The following SLC4A4 variants were observed in gnomAD, a reference collection of about 807,000 sequenced individuals.
SLC4A4 encodes the protein solute carrier family 4 member 4, also known as electrogenic sodium bicarbonate cotransporter 1.
In SLC4A4, 27 loss-of-function variants were observed where a neutral mutation model predicts 111.5. That is an observed-to-expected ratio of 0.24 (90% CI 0.18 to 0.33). SLC4A4 has a LOEUF of 0.33. Among genes scored for constraint, SLC4A4 ranks in the 10% least tolerant of loss-of-function variants. SLC4A4 has a pLI of 1.00. For missense variants in SLC4A4, 909 were observed against 1,315.5 expected, an observed-to-expected ratio of 0.69 and a Z score of 4.78; for synonymous variants, 443 against 463.4, an observed-to-expected ratio of 0.96 and a Z score of 0.57.
intron 3 of SLC4A4, chr4:71,339,098 A>G: frequency 6.3e-7 from 1 of 1,598,354 alleles, no homozygotes; most frequent in South Asian, 1.1e-5. Flanking sequence ...TGAGGGCTAA[A>G]GGTTCTTTGT....
intron 2 of SLC4A4, among the ~76,000 whole-genome samples, chr4:71,132,982 G>A (rs1323119636): frequency 2.0e-5 from 3 of 152,318 alleles, no homozygotes; most frequent in East Asian, 1.9e-4. Flanking sequence ...CCCCTAACAC[G>A]ATAGGAGTTG....
At chr4:71,353,614 C>G (rs1355214269) in intron 5 of SLC4A4, among the ~76,000 whole-genome samples, 1 of 152,062 alleles carries the variant, frequency 6.6e-6, no homozygotes, top group African/African-American at 2.4e-5. Context: ...TTAAAAAATC[C>G]TTTTGTAGCA....
intron 14 of SLC4A4, among the ~76,000 whole-genome samples, chr4:71,480,911 C>T (rs1217821429): frequency 6.6e-6 from 1 of 151,658 alleles, no homozygotes; most frequent in Non-Finnish European, 1.5e-5. Context: ...TATATTTAAC[C>T]ATCACATAAA....
At chr4:71,413,241 C>T (rs1329241111) in intron 7 of SLC4A4, among the ~76,000 whole-genome samples, 1 of 152,206 alleles carries the variant, frequency 6.6e-6, no homozygotes, top group Non-Finnish European at 1.5e-5. Flanking sequence ...AGCTATACAG[C>T]TGCCTGTTTG....
At chr4:71,417,038 T>C (rs899883241) in intron 7 of SLC4A4, among the ~76,000 whole-genome samples, 1 of 152,160 alleles carries the variant, frequency 6.6e-6, no homozygotes, top group Non-Finnish European at 1.5e-5. Context: ...GGAGCACCGT[T>C]AGTGGAGCTA....
intron 16 of SLC4A4, among the ~76,000 whole-genome samples, chr4:71,501,076 C>T (rs1465567785): frequency 1.3e-5 from 2 of 152,172 alleles, no homozygotes; most frequent in Non-Finnish European, 2.9e-5. Context: ...ACCAATTCTT[C>T]AAATTCATGA....
At chr4:71,360,922 G>A (rs896776415) in intron 6 of SLC4A4, among the ~76,000 whole-genome samples, 3 of 152,090 alleles carry the variant, frequency 2.0e-5, no homozygotes, top group Non-Finnish European at 1.5e-5. Flanking sequence ...GGAATTTATT[G>A]AGCAAAAAGG....
intron 1 of SLC4A4, among the ~76,000 whole-genome samples, chr4:71,076,751 A>G (rs1470558131): frequency 1.3e-5 from 2 of 152,084 alleles, no homozygotes; most frequent in Non-Finnish European, 2.9e-5. Flanking sequence ...AGCACTTTGG[A>G]AGGTTGAAGC....
chr4:71,467,867 G>C (rs1329331894), intron 13 of SLC4A4, among the ~76,000 whole-genome samples: 1 of 145,954 alleles, frequency 6.9e-6, no homozygotes, highest in Non-Finnish European at 1.5e-5. Flanking sequence ...ATGGCCTGCT[G>C]GCACTCCTTG....
intron 3 of SLC4A4, among the ~76,000 whole-genome samples, chr4:71,258,282 C>G (rs1356902419): frequency 1.3e-5 from 2 of 152,164 alleles, no homozygotes; most frequent in African/African-American, 2.4e-5. Flanking sequence ...CCATTCTTGT[C>G]CTGGTTAGTT....
At chr4:71,293,137 G>A (rs1367141050) in intron 3 of SLC4A4, among the ~76,000 whole-genome samples, 3 of 149,042 alleles carry the variant, frequency 2.0e-5, no homozygotes, top group Admixed American at 1.3e-4. Flanking sequence ...CACCGCACCC[G>A]GCCTCAATTT....
At chr4:71,550,667 C>G (rs901482928) in intron 20 of SLC4A4, among the ~76,000 whole-genome samples, 2 of 151,790 alleles carry the variant, frequency 1.3e-5, no homozygotes, top group African/African-American at 4.8e-5. Context: ...AAATGTGTTA[C>G]TTTTACTTTT....
chr4:71,250,875 A>C (rs554580929), intron 2 of SLC4A4, among the ~76,000 whole-genome samples: 1 of 152,228 alleles, frequency 6.6e-6, no homozygotes. Context: ...AACACTTCAT[A>C]CAAAGTTAAA....
intron 3 of SLC4A4, among the ~76,000 whole-genome samples, chr4:71,283,574 T>C (rs539816841): frequency 6.6e-6 from 1 of 152,302 alleles, no homozygotes; most frequent in African/African-American, 2.4e-5. Context: ...AAGAAAATGT[T>C]AGGCTGTCAG....
At chr4:71,335,224 T>TA (rs1230460135) in intron 3 of SLC4A4, among the ~76,000 whole-genome samples, 1 of 152,034 alleles carries the variant, frequency 6.6e-6, no homozygotes, top group Non-Finnish European at 1.5e-5. Flanking sequence ...AAATAAAAGT[T>TA]AAAAAAAATT....
At chr4:71,342,695 A>G (rs1341021402) in intron 4 of SLC4A4, among the ~76,000 whole-genome samples, 5 of 152,242 alleles carry the variant, frequency 3.3e-5, no homozygotes, top group Non-Finnish European at 5.9e-5. Context: ...AATGCAGACC[A>G]TACGTTATTT....
intron 2 of SLC4A4, among the ~76,000 whole-genome samples, chr4:71,165,467 A>G (rs997263132): frequency 2.3e-4 from 35 of 152,142 alleles, no homozygotes; most frequent in African/African-American, 8.4e-4. Flanking sequence ...AAAACCAAAC[A>G]CCACATGTTC....
intron 6 of SLC4A4, among the ~76,000 whole-genome samples, chr4:71,375,243 AGTGGTACC>A (rs1578951714): frequency 1.3e-5 from 2 of 152,326 alleles, no homozygotes; most frequent in East Asian, 3.9e-4. Flanking sequence ...GGAAGTGTTC[AGTGGTACC>A]TGAGAGGATC....
chr4:71,102,827 T>C (rs1311119161), intron 2 of SLC4A4, among the ~76,000 whole-genome samples: 1 of 151,644 alleles, frequency 6.6e-6, no homozygotes, highest in African/African-American at 2.4e-5. Context: ...TGCCAAAATG[T>C]AAAGACCATC....
Sources: allele counts gnomAD v4.1 joint callset (sites outside exome capture counted in the v4.1 genomes callset), GRCh38; gene constraint gnomAD v4.1.1; transcripts MANE v1.5; gene names NCBI Gene and HGNC (gene_info 2026-07-23, HGNC 2026-07-21).